USP8: variants seen among roughly 807,000 people sequenced by gnomAD.
USP8 encodes ubiquitin specific peptidase 8, also known as ubiquitin carboxyl-terminal hydrolase 8.
USP8 carries 27 observed loss-of-function variants against 130.0 expected under a neutral mutation model. The ratio of observed to expected loss-of-function variants is 0.21; its 90% CI spans 0.15 to 0.29. The LOEUF (loss-of-function observed/expected upper bound fraction) is 0.29. USP8 is among the 10% of genes least tolerant of loss of function. The pLI, the probability that USP8 is intolerant of heterozygous loss-of-function variation, is 1.00. For missense variants in USP8, 1,029 were observed against 1,312.2 expected (o/e 0.78, Z 3.33); for synonymous variants, 392 against 444.1 (o/e 0.88, Z 1.48).
At chr15:50,438,683 G>A (rs530704189) in intron 1 of USP8, among the ~76,000 whole-genome samples, 1 of 152,276 alleles carries the variant, frequency 6.6e-6, no homozygotes, top group South Asian at 2.1e-4. Flanking sequence ...ATCTACTTAT[G>A]ATCTAAACAT....
At chr15:50,476,737 T>A (rs2051579056) in intron 8 of USP8, 112 bp from the exon 9 acceptor site, 3 of 1,187,112 alleles carry the variant, frequency 2.5e-6, no homozygotes, top group Non-Finnish European at 3.4e-6. Context: ...TTTGTCATTA[T>A]TTAGAAGATA....
intron 19 of USP8, 31 bp from the exon 20 acceptor site, chr15:50,498,872 T>A: frequency 6.4e-7 from 1 of 1,567,688 alleles, no homozygotes; most frequent in South Asian, 1.2e-5. Context: ...TTTAACTGAA[T>A]TGATTTTTTT....
intron 5 of USP8, 86 bp from the exon 6 acceptor site, chr15:50,462,194 T>G: frequency 8.6e-7 from 1 of 1,159,894 alleles, no homozygotes; most frequent in South Asian, 1.4e-5. Context: ...TCTTAGAGTT[T>G]CCATTTAAGA....
Position 50,501,023 on chromosome 15 carries a change from A to G in USP8, c.*1935A>G, listed in dbSNP as rs1402739827. The G allele has an allele frequency of 3.6e-6, 2 of 554,292 alleles. No individual in the cohort carries two copies. Among genetic ancestry groups the G allele is most frequent in the African/African-American group, 1.9e-5 (1 of 52,990 alleles). 34.3% of individuals were successfully genotyped at this position (554,292 alleles called of 1,614,324 possible). ...TATTGCTTCTCATTTCATTGTAACT[A>G]CTTATATGTTGTGCCCATTGACTAT... On this transcript the variant is annotated 3_prime_UTR_variant, in exon 20 of 20. Coordinates refer to ENST00000307179, the MANE Select transcript of USP8 (RefSeq NM_005154.5).
chr15:50,447,881 G>A (rs2050494994), intron 3 of USP8, among the ~76,000 whole-genome samples: 1 of 151,924 alleles, frequency 6.6e-6, no homozygotes, highest in Non-Finnish European at 1.5e-5. Context: ...GGGATTACAG[G>A]CGTGAGCTAC....
chr15:50,435,683 C>T (rs1050746306), intron 1 of USP8, among the ~76,000 whole-genome samples: 9 of 152,086 alleles, frequency 5.9e-5, no homozygotes, highest in African/African-American at 2.2e-4. Flanking sequence ...CCTTAAGTGA[C>T]GGTATAACTT....
chr15:50,428,049 G>A (rs1414830220), intron 1 of USP8, among the ~76,000 whole-genome samples: 1 of 152,026 alleles, frequency 6.6e-6, no homozygotes, highest in African/African-American at 2.4e-5. Flanking sequence ...AAGTAAAACA[G>A]TTCTCATGTA....
At chr15:50,452,499 G>T (rs1415781237) in intron 4 of USP8, among the ~76,000 whole-genome samples, 2 of 152,204 alleles carry the variant, frequency 1.3e-5, no homozygotes, top group African/African-American at 4.8e-5. Context: ...TAGGAAAAAA[G>T]AGAATCTTAA....
chr15:50,468,401 C>A (rs959107836), intron 7 of USP8, among the ~76,000 whole-genome samples: 2 of 151,150 alleles, frequency 1.3e-5, no homozygotes, highest in Non-Finnish European at 2.9e-5. Context: ...CGCCACCACA[C>A]CCGGCTAATT....
intron 2 of USP8, among the ~76,000 whole-genome samples, chr15:50,439,565 G>A (rs2050184090): frequency 6.6e-6 from 1 of 152,072 alleles, no homozygotes; most frequent in Non-Finnish European, 1.5e-5. Context: ...AAGGTGGGCG[G>A]ATCACCTAAG....
intron 4 of USP8, among the ~76,000 whole-genome samples, chr15:50,457,242 A>C (rs1448012083): frequency 6.6e-6 from 1 of 152,124 alleles, no homozygotes; most frequent in East Asian, 1.9e-4. Flanking sequence ...GAAATTTTTC[A>C]TTTTGGAATA....
intron 11 of USP8, among the ~76,000 whole-genome samples, chr15:50,483,049 G>T (rs2051831512): frequency 6.6e-6 from 1 of 152,146 alleles, no homozygotes; most frequent in Admixed American, 6.5e-5. Context: ...TTATTCACAG[G>T]AGGAGCAAAA....
chr15:50,441,775 C>G (rs967720110), intron 3 of USP8, among the ~76,000 whole-genome samples: 1 of 151,812 alleles, frequency 6.6e-6, no homozygotes, highest in Non-Finnish European at 1.5e-5. Context: ...ATTGCCAGGT[C>G]AAGTAGAAGG....
intron 12 of USP8, 39 bp downstream of exon 12, chr15:50,484,400 C>A: frequency 6.8e-7 from 1 of 1,472,802 alleles, no homozygotes; most frequent in Non-Finnish European, 9.5e-7. Context: ...GAAAAAAAAG[C>A]CAAACATGGA....
chr15:50,429,362 A>G (rs895546939), intron 1 of USP8, among the ~76,000 whole-genome samples: 1 of 151,480 alleles, frequency 6.6e-6, no homozygotes, highest in Non-Finnish European at 1.5e-5. Context: ...AGTTTTAAAA[A>G]TGAAAATGAT....
chr15:50,492,356 A>C (rs578118114), intron 14 of USP8, among the ~76,000 whole-genome samples: 13 of 152,198 alleles, frequency 8.5e-5, no homozygotes, highest in African/African-American at 3.1e-4. Flanking sequence ...GATAATGCCA[A>C]ACTTCCAGGG....
rs2052563232 is a variant in USP8, at chr15:50,500,483, T to G, written c.*1395T>G. ...GCCTTTTTTAGTGAACCAAGACCCA[T>G]CTTCTGGACGACAGATTTATCTTAA... On this transcript the variant is annotated 3_prime_UTR_variant, in exon 20 of 20. Coordinates refer to ENST00000307179, the MANE Select transcript of USP8 (RefSeq NM_005154.5). The G allele has an allele frequency of 9.5e-6, 3 of 317,076 alleles. No individual in the cohort carries two copies. The highest frequency in any genetic ancestry group is 6.3e-5 in the African/African-American group (3 of 47,914). 19.6% of individuals were successfully genotyped at this position (317,076 alleles called of 1,614,324 possible). A position where few individuals can be genotyped will look rare whatever the true frequency, so the allele number is the denominator to read the frequency against.
At position 50,449,490 on chromosome 15, in the gene USP8, A is replaced by G; in HGVS notation, c.335+5A>G. ...CTCTGAAAGCCTTAAATTAAGGTAC[A>G]GATATTATGAAATATTTAAAATAAT... On this transcript the variant is annotated splice_donor_5th_base_variant and intron_variant, in intron 4 of 19. Coordinates refer to ENST00000307179, the MANE Select transcript of USP8 (RefSeq NM_005154.5). 6.6e-7 allele frequency: 1 copy of G among 1,513,732 alleles called. No homozygotes were observed. The highest frequency in any genetic ancestry group is 8.9e-7 in the Non-Finnish European group (1 of 1,121,016). The allele number at this position is 1,513,732 out of a possible 1,614,324, so 93.8% of individuals were successfully genotyped here. A position where few individuals can be genotyped will look rare whatever the true frequency, so the allele number is the denominator to read the frequency against.
chr15:50,464,998 AC>A (rs1469970549), intron 6 of USP8, 48 bp from the exon 7 acceptor site: 1 of 1,599,594 alleles, frequency 6.3e-7, no homozygotes, highest in African/African-American at 1.3e-5. Flanking sequence ...TGATGTCAGC[AC>A]ATCTTGTGCT....
Sources: gnomAD v4.1 joint callset for allele counts (sites outside exome capture counted in the v4.1 genomes callset) on GRCh38, gnomAD v4.1.1 for gene constraint, MANE v1.5 for transcripts, NCBI Gene and HGNC (gene_info 2026-07-23, HGNC 2026-07-21) for gene names.